HERC2: variants seen among roughly 807,000 people sequenced by gnomAD.
The protein encoded by HERC2 is HECT and RLD domain containing E3 ubiquitin protein ligase 2, also known as E3 ubiquitin-protein ligase HERC2.
Under a neutral mutation model 537.7 loss-of-function variants are expected in HERC2, and 102 were observed. The ratio of observed to expected loss-of-function variants is 0.19; its 90% CI spans 0.16 to 0.22. The LOEUF is 0.22. HERC2 is among the 10% of genes least tolerant of loss of function. The pLI is 1.00. For synonymous variants in HERC2, 2,224 were observed against 2,466.2 expected (o/e 0.90, Z 2.91); for missense variants, 4,236 against 6,198.2 (o/e 0.68, Z 10.63).
In HERC2 at chr15:28,111,707, A is replaced by G; in HGVS notation, c.*56T>C. The G allele has an allele frequency of 6.3e-7, 1 of 1,577,298 alleles. No homozygotes were observed. The highest frequency in any genetic ancestry group is 8.7e-7 in the Non-Finnish European group (1 of 1,154,054). On this transcript the variant is annotated 3_prime_UTR_variant, in exon 93 of 93. Transcript: ENST00000261609. ...CCAGGCAGCCTACAGTCTACACAGC[A>G]GCGAGCGCTCTGCTGCCTGGCTCAG...
At chr15:28,172,941 G>C (rs1399513962) in intron 65 of HERC2, among the ~76,000 whole-genome samples, 1 of 152,120 alleles carries the variant, frequency 6.6e-6, no homozygotes, top group African/African-American at 2.4e-5. Flanking sequence ...TTAAATATAG[G>C]AAAAGACTTG....
At position 28,256,092 on chromosome 15, in the gene HERC2, C is replaced by G; in HGVS notation, c.2743G>C (p.Ala915Pro). 9 of 1,603,528 alleles carry G rather than the reference C, an allele frequency of 5.6e-6. No individual in the cohort carries two copies. The highest frequency in any genetic ancestry group is 7.6e-6 in the Non-Finnish European group (9 of 1,179,086). Reference protein sequence around the residue: ...ARALSALLPCAVSGNEVNISP... With the variant: ...ARALSALLPCPVSGNEVNISP... ...CCTGTTCCTTCCCCAGGCCCACCTG[C>G]GCAGGGCAGGAGAGCAGAGAGTGCC... Residue 915 changes from alanine (A) to proline (P), a missense_variant, in exon 18 of 93, where the codon GCA becomes CCA. Ala to Pro is a conservative substitution (Grantham distance 27). Transcript: ENST00000261609.
At chr15:28,250,109 T>C (rs532704319) in intron 20 of HERC2, among the ~76,000 whole-genome samples, 107 of 118,042 alleles carry the variant, frequency 9.1e-4, no homozygotes, top group African/African-American at 2.0e-3. Flanking sequence ...ACACCAAGAG[T>C]GAGGACATGC....
In HERC2 at chr15:28,269,252, G is replaced by A. The variant is rs200457382; in HGVS notation, c.1442C>T (p.Thr481Met). 1.8e-5 allele frequency: 29 copies of A among 1,612,826 alleles called. No homozygotes were observed. Among genetic ancestry groups the A allele is most frequent in the African/African-American group, 1.7e-4 (13 of 75,046 alleles). ...RVYTQAYNSD[T>M]LAPQLVQGLA... Reference sequence around the variant, plus strand: ...CACAGTGCCCAGAACACTCACCAGCGTGTCACTATTATAGGCCTGTGTGTA... The same window carrying A: ...CACAGTGCCCAGAACACTCACCAGCATGTCACTATTATAGGCCTGTGTGTA... Residue 481 changes from threonine (T) to methionine (M), a missense_variant, in exon 11 of 93, where the codon ACG (threonine) becomes ATG (methionine). Transcript: ENST00000261609.
chr15:28,213,617 C>A (rs983137187), intron 42 of HERC2, 125 bp downstream of exon 42: 400 of 1,532,118 alleles, frequency 2.6e-4, no homozygotes, highest in Non-Finnish European at 3.3e-4. Context: ...CAAGCTCACA[C>A]AGCTTCCTGG....
In HERC2 at chr15:28,177,530, C is replaced by T. The variant is rs1008986766; in HGVS notation, c.9164-21G>A. On this transcript the variant is annotated intron_variant, in intron 59 of 92. Transcript: ENST00000261609. This position sits in a 1 kb window ranked among gnomAD's most constrained non-coding sequence, Gnocchi z 5.0. The stretch of plus-strand genomic sequence containing the variant: ...GCCACCTGCAACATTCACAGACACA[C>T]GGATTGCCAAAGGGCAGGGAACAGA... 5.0e-6 allele frequency: 8 copies of T among 1,612,400 alleles called. No homozygotes were observed. The highest frequency in any genetic ancestry group is 1.6e-4 in the Middle Eastern group (1 of 6,082).
At chr15:28,309,402 T>C (rs1172935219) in intron 2 of HERC2, among the ~76,000 whole-genome samples, 1 of 152,192 alleles carries the variant, frequency 6.6e-6, no homozygotes, top group East Asian at 1.9e-4. Context: ...AATTGGCCCC[T>C]TTATCATTAC....
chr15:28,280,329 TGG>T, intron 4 of HERC2, 42 bp from the exon 5 acceptor site: 4 of 1,496,864 alleles, frequency 2.7e-6, no homozygotes, highest in South Asian at 1.2e-5. Context: ...GTGGACAATG[TGG>T]CCACAGTTTG....
chr15:28,319,122 G>A (rs976204063), intron 2 of HERC2, among the ~76,000 whole-genome samples: 10 of 151,998 alleles, frequency 6.6e-5, no homozygotes, highest in Middle Eastern at 3.4e-3. Context: ...TATTCCTTAC[G>A]GTAAAACACC....
intron 2 of HERC2, among the ~76,000 whole-genome samples, chr15:28,310,832 C>G (rs2141272448): frequency 1.3e-5 from 2 of 152,142 alleles, no homozygotes; most frequent in South Asian, 4.2e-4. Flanking sequence ...AATCCCAGCA[C>G]TTTGGGAGGC....
At chr15:28,247,183 C>T (rs567390227) in intron 21 of HERC2, among the ~76,000 whole-genome samples, 2 of 151,794 alleles carry the variant, frequency 1.3e-5, no homozygotes, top group Admixed American at 1.3e-4. Flanking sequence ...TTTTAACAGA[C>T]GGGGGTCTCA....
In HERC2 at chr15:28,146,259, G is replaced by A. The variant is rs1891724278; in HGVS notation, c.10986C>T (p.Asn3662=). 5.6e-6 allele frequency: 9 copies of A among 1,613,826 alleles called. No homozygotes were observed. The highest frequency in any genetic ancestry group is 6.8e-6 in the Non-Finnish European group (8 of 1,179,942). ...HDPLTVMDGV[N]RIVSVRSGRE... ...TACCTGACCGCACGGAGACGATCCT[G>A]TTGACGCCGTCCATGACTGTGAGAG... The change falls in exon 71 of 93, where the codon AAC becomes AAT. Residue 3662 remains asparagine (N), a synonymous_variant. Coordinates refer to ENST00000261609, the MANE Select transcript of HERC2 (RefSeq NM_004667.6).
intron 72 of HERC2, among the ~76,000 whole-genome samples, chr15:28,144,463 G>A (rs1891534359): frequency 6.6e-6 from 1 of 152,226 alleles, no homozygotes; most frequent in Non-Finnish European, 1.5e-5. Flanking sequence ...TTCCACACCA[G>A]GTGAGGAGGA....
rs988897007 is a variant in HERC2, at chr15:28,268,271, C to G, written c.1598+194G>C. Among the ~76,000 whole-genome samples, 1 of 152,246 alleles carries G rather than the reference C, an allele frequency of 6.6e-6. No homozygotes were observed. The highest frequency in any genetic ancestry group is 6.5e-5 in the Admixed American group (1 of 15,284). On this transcript the variant is annotated intron_variant, in intron 12 of 92. Transcript: ENST00000261609. This position sits in a 1 kb window ranked among gnomAD's most constrained non-coding sequence, Gnocchi z 4.7. ...CAAGAAGAACAGAAAGGCCAATTCC[C>G]GTTGCCCTCCACACATGGGCAGAGC...
intron 70 of HERC2, among the ~76,000 whole-genome samples, 178 bp downstream of exon 70, chr15:28,152,499 A>G (rs1892559260): frequency 6.6e-6 from 1 of 152,244 alleles, no homozygotes; most frequent in African/African-American, 2.4e-5. Context: ...GACTTTCTAT[A>G]TCATGATTTA....
At chr15:28,125,911 G>A (rs927819012) in intron 83 of HERC2, among the ~76,000 whole-genome samples, 6 of 152,234 alleles carry the variant, frequency 3.9e-5, no homozygotes, top group South Asian at 2.1e-4. Flanking sequence ...TCCCGGGTTC[G>A]AGCGATTCTC....
intron 4 of HERC2, 89 bp from the exon 5 acceptor site, chr15:28,280,376 T>C: frequency 1.8e-6 from 2 of 1,091,036 alleles, no homozygotes; most frequent in South Asian, 3.0e-5. Flanking sequence ...TGACGACAGG[T>C]AGTACTCGAA....
intron 69 of HERC2, among the ~76,000 whole-genome samples, chr15:28,158,565 CTTTT>C (rs1350034949): frequency 6.6e-6 from 1 of 152,036 alleles, no homozygotes; most frequent in Non-Finnish European, 1.5e-5. Flanking sequence ...CAACTCCTGC[CTTTT>C]TTTGTTTTCC....
At chr15:28,157,711 T>C (rs1232242267) in intron 69 of HERC2, among the ~76,000 whole-genome samples, 9 of 152,232 alleles carry the variant, frequency 5.9e-5, no homozygotes, top group African/African-American at 2.2e-4. Flanking sequence ...TCATTGATTT[T>C]TTGAAGGGTT....
Sources: gnomAD v4.1 joint callset for allele counts (sites outside exome capture counted in the v4.1 genomes callset) on GRCh38, gnomAD v4.1.1 for gene constraint, Gnocchi (gnomAD v3.1) non-coding constraint, MANE v1.5 for transcripts, NCBI Gene and HGNC (gene_info 2026-07-23, HGNC 2026-07-21) for gene names.